Variants in RANBP2 observed in about 807,000 individuals in gnomAD.
RANBP2 encodes E3 SUMO-protein ligase RanBP2.
In RANBP2, 57 loss-of-function variants were observed where a neutral mutation model predicts 303.6. The ratio of observed to expected loss-of-function variants is 0.19; its 90% CI spans 0.15 to 0.23. The LOEUF is 0.23. RANBP2 is among the 10% of genes least tolerant of loss of function. The pLI, the probability that RANBP2 is intolerant of heterozygous loss-of-function variation, is 1.00. For missense variants in RANBP2, 3,138 were observed against 3,780.8 expected, an observed-to-expected ratio of 0.83 and a Z score of 4.46; for synonymous variants, 1,167 against 1,301.5, an observed-to-expected ratio of 0.90 and a Z score of 2.23.
the RANBP2 span, among the ~76,000 whole-genome samples, chr2:109,417,980 C>G: frequency 6.6e-6 from 1 of 151,994 alleles, no homozygotes; most frequent in African/African-American, 2.4e-5. Context: ...TGGCCACCTA[C>G]CTGGGGCAAC....
At chr2:108,748,840 T>C in intron 8 of RANBP2, 80 bp from the exon 9 acceptor site, 3 of 1,611,016 alleles carry the variant, frequency 1.9e-6, no homozygotes, top group Non-Finnish European at 2.5e-6. Context: ...ATTTCCCCTT[T>C]GGGTATACAA....
Position 108,782,624 on chromosome 2 carries a change from T to C in RANBP2, c.9131T>C (p.Leu3044Ser), listed in dbSNP as rs1432469881. Residue 3044 changes from leucine to serine, a missense_variant, in exon 28 of 29, where the codon TTA becomes TCA. Coordinates refer to ENST00000283195, the MANE Select transcript of RANBP2 (RefSeq NM_006267.5). ...KKTFEECQQN[L>S]MKLQKGHVSL... Reference sequence around the variant, plus strand: ...ACATTTGAAGAATGTCAGCAGAATTTAATGAAACTCCAGAAAGGACATGTA... The same window carrying C: ...ACATTTGAAGAATGTCAGCAGAATTCAATGAAACTCCAGAAAGGACATGTA... 1 of 1,614,210 alleles carries C rather than the reference T, an allele frequency of 6.2e-7. No homozygotes were observed. The highest frequency in any genetic ancestry group is 2.2e-5 in the East Asian group (1 of 44,884).
the RANBP2 span, among the ~76,000 whole-genome samples, chr2:108,981,287 C>T: frequency 6.6e-6 from 1 of 152,308 alleles, no homozygotes; most frequent in Non-Finnish European, 1.5e-5. Flanking sequence ...AGCATTCTTT[C>T]CAGAGCCGCA....
At chr2:109,644,426 C>T in the RANBP2 span, among the ~76,000 whole-genome samples, 215 of 152,308 alleles carry the variant, frequency 1.4e-3, 5 homozygotes, top group South Asian at 0.042. Context: ...AGGTGAATGC[C>T]TCGGGCGGTT....
the RANBP2 span, among the ~76,000 whole-genome samples, chr2:108,890,559 T>A: frequency 6.6e-6 from 1 of 152,148 alleles, no homozygotes; most frequent in Non-Finnish European, 1.5e-5. Flanking sequence ...GTTTTCTTGA[T>A]AGGTAACTGT....
chr2:108,736,002 A>G, intron 5 of RANBP2, 102 bp from the exon 6 acceptor site: 1 of 1,607,316 alleles, frequency 6.2e-7, no homozygotes, highest in Non-Finnish European at 8.5e-7. Flanking sequence ...ATATAGTTTC[A>G]CAAATGTGGT....
Position 108,749,085 on chromosome 2 carries a change from A to T in RANBP2, c.1229A>T (p.Asp410Val). 1.2e-6 allele frequency: 2 copies of T among 1,612,018 alleles called. No homozygotes were observed. Among genetic ancestry groups the T allele is most frequent in the South Asian group, 1.1e-5 (1 of 90,990 alleles). Reference protein sequence around the residue: ...FLGSDDIGNIDVREPELEDLT... With the variant: ...FLGSDDIGNIVVREPELEDLT... The stretch of plus-strand genomic sequence containing the variant: ...GGTAGCGATGATATTGGAAACATTG[A>T]TGTACGAGAACCAGAGCTTGAAGAT... Residue 410 changes from aspartate (D) to valine (V), a missense_variant, in exon 9 of 29, where the codon GAT becomes GTT. Physicochemically the swap from Asp to Val is radical, Grantham distance 152. Transcript: ENST00000283195.
the RANBP2 span, chr2:109,129,221 T>C: frequency 1.9e-6 from 1 of 538,158 alleles, no homozygotes; most frequent in Non-Finnish European, 3.4e-6. Context: ...CCCGTTGAGC[T>C]TCGTGCCCGG....
the RANBP2 span, among the ~76,000 whole-genome samples, chr2:109,506,532 G>A: frequency 2.0e-5 from 3 of 152,368 alleles, no homozygotes; most frequent in Admixed American, 1.3e-4. Flanking sequence ...GCAGGACAGG[G>A]TGGGGGCTTC....
the RANBP2 span, among the ~76,000 whole-genome samples, chr2:109,172,148 G>A: frequency 9.5e-3 from 1,444 of 152,294 alleles, 33 homozygotes; most frequent in African/African-American, 0.032. Context: ...CAGGTCTCCC[G>A]GAGCCATCTG....
At chr2:109,241,866 C>T in the RANBP2 span, among the ~76,000 whole-genome samples, 3 of 151,730 alleles carry the variant, frequency 2.0e-5, no homozygotes, top group African/African-American at 7.3e-5. Context: ...CCCGGGTTCA[C>T]GCCATTCTCC....
the RANBP2 span, among the ~76,000 whole-genome samples, chr2:109,384,992 C>G: frequency 2.0e-5 from 3 of 152,256 alleles, no homozygotes; most frequent in African/African-American, 7.2e-5. Context: ...TCACTGCAGT[C>G]TACCCTGTGG....
the RANBP2 span, among the ~76,000 whole-genome samples, chr2:109,263,305 G>C: frequency 6.6e-6 from 1 of 152,126 alleles, no homozygotes; most frequent in Non-Finnish European, 1.5e-5. Flanking sequence ...AGCTTTCGTT[G>C]CTATTTTCTA....
the RANBP2 span, among the ~76,000 whole-genome samples, chr2:109,309,883 T>G: frequency 8.6e-6 from 1 of 115,650 alleles, no homozygotes; most frequent in East Asian, 2.4e-4. Flanking sequence ...CTCCCACACA[T>G]TAATAATGGG....
chr2:109,761,664 A>G, the RANBP2 span, among the ~76,000 whole-genome samples: 1 of 144,288 alleles, frequency 6.9e-6, no homozygotes, highest in Non-Finnish European at 1.5e-5. Flanking sequence ...ACCCGCCACT[A>G]TCTCTTAAAT....
At chr2:109,179,957 T>G in the RANBP2 span, among the ~76,000 whole-genome samples, 1 of 51,962 alleles carries the variant, frequency 1.9e-5, no homozygotes, top group African/African-American at 5.9e-5. Context: ...GCTGGATCAT[T>G]TGGACCCAAA....
chr2:109,466,496 T>C, the RANBP2 span, among the ~76,000 whole-genome samples: 1 of 152,226 alleles, frequency 6.6e-6, no homozygotes, highest in African/African-American at 2.4e-5. Flanking sequence ...ACCACAGTGG[T>C]CTTTTGCAAA....
chr2:108,767,830 T>G lies in RANBP2; in HGVS notation c.7291T>G (p.Ser2431Ala). The change falls in exon 20 of 29, where the codon TCG (serine) becomes GCG (alanine). Residue 2431 changes from serine to alanine, a missense_variant. Transcript: ENST00000283195. The stretch of plus-strand genomic sequence containing the variant: ...TTTTAAACTACAGGATGTTGCAGAC[T>G]CGTTTAAGAAAATTTTTGATGAAGC... ...VRFKLQDVAD[S>A]FKKIFDEAKT... 2.5e-6 allele frequency: 4 copies of G among 1,610,640 alleles called. No homozygotes were observed. The highest frequency in any genetic ancestry group is 3.4e-6 in the Non-Finnish European group (4 of 1,179,802).
chr2:109,180,511 A>C, the RANBP2 span, among the ~76,000 whole-genome samples: 4 of 152,062 alleles, frequency 2.6e-5, no homozygotes, highest in East Asian at 7.7e-4. Flanking sequence ...CTTGAATTGT[A>C]CTCTCATAAT....
Sources: allele counts gnomAD v4.1 joint callset (sites outside exome capture counted in the v4.1 genomes callset), GRCh38; gene constraint gnomAD v4.1.1; transcripts MANE v1.5; gene names NCBI Gene and HGNC (gene_info 2026-07-23, HGNC 2026-07-21).